The following IL1RAP variants were observed in gnomAD, a reference collection of about 807,000 sequenced individuals.
IL1RAP encodes interleukin 1 receptor accessory protein, also known as interleukin-1 receptor accessory protein.
In IL1RAP, 35 loss-of-function variants were observed where a neutral mutation model predicts 60.7. The observed-to-expected ratio is 0.58, with a 90% CI of 0.44 to 0.76. IL1RAP has a LOEUF of 0.76. IL1RAP is among the 30% of genes least tolerant of loss of function. The pLI, the probability that IL1RAP is intolerant of heterozygous loss-of-function variation, is 0.00. For missense variants in IL1RAP, 572 were observed against 693.9 expected, an observed-to-expected ratio of 0.82 and a Z score of 1.97; for synonymous variants, 268 against 250.9, an observed-to-expected ratio of 1.07 and a Z score of -0.64.
intron 1 of IL1RAP, among the ~76,000 whole-genome samples, chr3:190,521,957 C>T (rs542823999): frequency 1.3e-5 from 2 of 152,208 alleles, no homozygotes; most frequent in Non-Finnish European, 2.9e-5. Context: ...GTTGAGTACA[C>T]ATTTTCTGCT....
At chr3:190,562,007 C>T (rs1008023952) in intron 2 of IL1RAP, among the ~76,000 whole-genome samples, 1 of 152,144 alleles carries the variant, frequency 6.6e-6, no homozygotes, top group African/African-American at 2.4e-5. Context: ...AATCCCAAGC[C>T]TTTGGCCTGT....
chr3:190,609,314 A>C, intron 5 of IL1RAP, 133 bp downstream of exon 5: 1 of 586,724 alleles, frequency 1.7e-6, no homozygotes, highest in Non-Finnish European at 2.8e-6. Flanking sequence ...AGCTTTATGG[A>C]AGTATTTCAG....
chr3:190,629,935 G>A (rs1300132568), intron 9 of IL1RAP: 19 of 942,858 alleles, frequency 2.0e-5, no homozygotes, highest in Admixed American at 1.2e-4. Context: ...TAAGACTTTC[G>A]GAATTTTTCC....
At chr3:190,530,958 C>CT (rs3836448) in intron 1 of IL1RAP, among the ~76,000 whole-genome samples, 68,850 of 151,950 alleles carry the variant, frequency 0.45, 18,515 homozygotes, top group African/African-American at 0.76. Context: ...CACTTAGCCC[C>CT]GATGATTCAA....
At chr3:190,551,763 A>C (rs1214118486) in intron 1 of IL1RAP, among the ~76,000 whole-genome samples, 2 of 152,334 alleles carry the variant, frequency 1.3e-5, no homozygotes, top group Non-Finnish European at 2.9e-5. Flanking sequence ...AAAAGGATTA[A>C]AACAAGTCAA....
intron 1 of IL1RAP, among the ~76,000 whole-genome samples, chr3:190,552,993 C>G (rs1023439038): frequency 3.9e-5 from 6 of 152,112 alleles, no homozygotes; most frequent in African/African-American, 1.4e-4. Flanking sequence ...TTACTAAAGG[C>G]TCAGAGCAAG....
intron 3 of IL1RAP, among the ~76,000 whole-genome samples, chr3:190,600,222 G>GATTGTC (rs975846112): frequency 3.0e-4 from 45 of 152,168 alleles, no homozygotes; most frequent in African/African-American, 1.1e-3. Flanking sequence ...CTGATAGTAA[G>GATTGTC]ATTGTCATAT....
At chr3:190,609,305 G>A (rs1730626263) in intron 5 of IL1RAP, 124 bp downstream of exon 5, 1 of 617,514 alleles carries the variant, frequency 1.6e-6, no homozygotes, top group Non-Finnish European at 2.6e-6. Context: ...TTCCGTAATA[G>A]CTTTATGGAA....
chr3:190,522,135 T>TA (rs2108601715), intron 1 of IL1RAP, among the ~76,000 whole-genome samples: 1 of 152,176 alleles, frequency 6.6e-6, no homozygotes, highest in African/African-American at 2.4e-5. Flanking sequence ...GAGACAGTGG[T>TA]GGGGGCAGCA....
chr3:190,624,904 G>A (rs958383746), intron 7 of IL1RAP: 22 of 165,960 alleles, frequency 1.3e-4, no homozygotes, highest in East Asian at 5.6e-4. Flanking sequence ...ACAACTTGTC[G>A]GACATGCACG....
intron 1 of IL1RAP, among the ~76,000 whole-genome samples, chr3:190,519,542 T>C (rs1235434326): frequency 6.6e-6 from 1 of 152,094 alleles, no homozygotes; most frequent in Non-Finnish European, 1.5e-5. Flanking sequence ...GCATATTTAC[T>C]AGATACCACA....
Position 190,650,975 on chromosome 3 carries a change from A to G in IL1RAP, c.*2270A>G. The G allele has an allele frequency of 1.0e-6, 1 of 985,306 alleles. No individual in the cohort carries two copies. Among genetic ancestry groups the G allele is most frequent in the African/African-American group, 1.7e-5 (1 of 57,326 alleles). 61.0% of individuals were successfully genotyped at this position (985,306 alleles called of 1,614,324 possible). A position where few individuals can be genotyped will look rare whatever the true frequency, so the allele number is the denominator to read the frequency against. On this transcript the variant is annotated 3_prime_UTR_variant, in exon 12 of 12. Transcript: ENST00000447382. The stretch of plus-strand genomic sequence containing the variant: ...AAATACCTTGATGTTTTTTCTATTT[A>G]TATGCCTGCCTTTGGTACTTAATTT...
intron 5 of IL1RAP, among the ~76,000 whole-genome samples, chr3:190,613,796 G>A (rs1202088375): frequency 2.0e-5 from 3 of 151,706 alleles, no homozygotes; most frequent in East Asian, 3.9e-4. Context: ...TCGTGCCACT[G>A]CACTCCAGCC....
intron 3 of IL1RAP, among the ~76,000 whole-genome samples, chr3:190,577,892 T>G (rs546276624): frequency 6.6e-6 from 1 of 152,292 alleles, no homozygotes; most frequent in African/African-American, 2.4e-5. Context: ...GGAATTATGT[T>G]TGGGTTTATT....
intron 5 of IL1RAP, among the ~76,000 whole-genome samples, chr3:190,618,534 C>T (rs1230682564): frequency 2.0e-5 from 3 of 152,110 alleles, no homozygotes; most frequent in South Asian, 2.1e-4. Flanking sequence ...AAAATTACAG[C>T]GTATTTAGTC....
rs556090730 is a variant in IL1RAP at position 190,659,426 on chromosome 3, T to C, written c.*2819T>C. On this transcript the variant is annotated 3_prime_UTR_variant, in exon 12 of 12. Coordinates refer to the IL1RAP transcript ENST00000317757. ...GATAATAGACTATACTTCTACTGTA[T>C]GGAGAAAGGATCAGAGGTTATATTA... 5.3e-5 allele frequency: 8 copies of C among 152,284 alleles called. No homozygotes were observed. In the South Asian group the frequency reaches 1.0e-3, roughly 20 times the overall value. The allele number at this position is 152,284 out of a possible 1,614,324, so 9.4% of individuals were successfully genotyped here. A position where few individuals can be genotyped will look rare whatever the true frequency, so the allele number is the denominator to read the frequency against.
rs1281972981 is a variant in IL1RAP at position 190,564,328 on chromosome 3, T to C, written c.39T>C (p.Tyr13=). ...GGTGTGTAGTGAGTCTCTACTTTTA[T>C]GGAATCCTGCAAAGTGATGCCTCAG... is the stretch of plus-strand genomic sequence containing the variant. ...LLWCVVSLYF[Y]GILQSDASER... Residue 13 remains tyrosine, a synonymous_variant, in exon 3 of 12, where the codon TAT becomes TAC. Transcript: ENST00000447382. 2.5e-6 allele frequency: 4 copies of C among 1,612,186 alleles called. No homozygotes were observed. The highest frequency in any genetic ancestry group is 3.4e-6 in the Non-Finnish European group (4 of 1,178,492).
chr3:190,519,640 C>T (rs1187719088), intron 1 of IL1RAP, among the ~76,000 whole-genome samples: 1 of 152,118 alleles, frequency 6.6e-6, no homozygotes, highest in Admixed American at 6.6e-5. Context: ...TCTGTCTTCT[C>T]CTCTTCTTCT....
At chr3:190,573,137 A>C (rs1727137890) in intron 3 of IL1RAP, among the ~76,000 whole-genome samples, 5 of 52,562 alleles carry the variant, frequency 9.5e-5, no homozygotes, top group Non-Finnish European at 1.9e-4. Context: ...TTCTGGGATT[A>C]CAGGCGTGAG....
Sources: gnomAD v4.1 joint callset for allele counts (sites outside exome capture counted in the v4.1 genomes callset) on GRCh38, gnomAD v4.1.1 for gene constraint, MANE v1.5 for transcripts, NCBI Gene and HGNC (gene_info 2026-07-23, HGNC 2026-07-21) for gene names.